The following ST3GAL3 variants were observed in gnomAD, a reference collection of about 807,000 sequenced individuals.
ST3GAL3 encodes ST3 beta-galactoside alpha-2,3-sialyltransferase 3, also known as CMP-N-acetylneuraminate-beta-1,4-galactoside alpha-2,3-sialyltransferase.
A neutral mutation model predicts 50.1 loss-of-function variants in ST3GAL3; 21 were observed. That is an observed-to-expected ratio of 0.42 (90% CI 0.30 to 0.60). The LOEUF (loss-of-function observed/expected upper bound fraction) is 0.60, where lower values mean the gene tolerates loss of function less well. ST3GAL3 is among the 20% of genes least tolerant of loss of function. The pLI is 0.19. For missense variants in ST3GAL3, 353 were observed against 489.4 expected (o/e 0.72, Z 2.63); for synonymous variants, 183 against 190.0 (o/e 0.96, Z 0.30).
chr1:43,720,973 A>G (rs930450163), intron 1 of ST3GAL3, among the ~76,000 whole-genome samples: 3 of 152,214 alleles, frequency 2.0e-5, no homozygotes, highest in Admixed American at 6.5e-5. Context: ...GGCCAGGCAT[A>G]GTGGCTCATG....
intron 2 of ST3GAL3, among the ~76,000 whole-genome samples, chr1:43,785,171 AG>A: frequency 6.6e-6 from 1 of 152,336 alleles, no homozygotes; most frequent in South Asian, 2.1e-4. Context: ...AACAAGAAAC[AG>A]GTGGCGACGT....
intron 1 of ST3GAL3, among the ~76,000 whole-genome samples, chr1:43,734,428 C>T (rs929976404): frequency 6.6e-6 from 1 of 151,134 alleles, no homozygotes; most frequent in African/African-American, 2.4e-5. Context: ...CCTCAGCTTC[C>T]TGGGTAGCTA....
chr1:43,883,250 T>C (rs2075446324), intron 5 of ST3GAL3, among the ~76,000 whole-genome samples: 1 of 152,118 alleles, frequency 6.6e-6, no homozygotes, highest in South Asian at 2.1e-4. Flanking sequence ...ATTACAGGCA[T>C]GAGCCACCGT....
At chr1:43,807,305 A>T (rs2060005764) in intron 3 of ST3GAL3, among the ~76,000 whole-genome samples, 1 of 151,960 alleles carries the variant, frequency 6.6e-6, no homozygotes, top group Admixed American at 6.6e-5. Flanking sequence ...AATCCCAGCT[A>T]CTCGGGAGGC....
intron 5 of ST3GAL3, among the ~76,000 whole-genome samples, chr1:43,844,054 C>A (rs758547152): frequency 9.9e-5 from 15 of 152,164 alleles, no homozygotes; most frequent in Non-Finnish European, 1.8e-4. Context: ...TTATGTTTAT[C>A]CATTTATTAT....
intron 4 of ST3GAL3, among the ~76,000 whole-genome samples, chr1:43,819,512 CT>C (rs2061818952): frequency 6.6e-6 from 1 of 152,102 alleles, no homozygotes; most frequent in South Asian, 2.1e-4. Context: ...GAAAGGTTGG[CT>C]TTGGCCCACA....
At chr1:43,857,619 C>CCTTCCTTT in intron 5 of ST3GAL3, among the ~76,000 whole-genome samples, 1 of 141,460 alleles carries the variant, frequency 7.1e-6, no homozygotes, top group Non-Finnish European at 1.5e-5. Context: ...TTCCTTCCTT[C>CCTTCCTTT]CTTCCTTCCT....
At chr1:43,859,651 C>T (rs2069403695) in intron 5 of ST3GAL3, among the ~76,000 whole-genome samples, 1 of 152,222 alleles carries the variant, frequency 6.6e-6, no homozygotes. Flanking sequence ...GTCTGGGCCA[C>T]AGGCCAATTG....
chr1:43,774,453 C>T (rs1696441539), intron 2 of ST3GAL3, among the ~76,000 whole-genome samples: 1 of 152,204 alleles, frequency 6.6e-6, no homozygotes, highest in African/African-American at 2.4e-5. Context: ...GAGCTCCACT[C>T]TCTGGGATCT....
At chr1:43,902,524 T>C (rs922078041) in intron 9 of ST3GAL3, among the ~76,000 whole-genome samples, 16 of 152,268 alleles carry the variant, frequency 1.1e-4, no homozygotes, top group Middle Eastern at 3.4e-3. Flanking sequence ...TTGTGGCCAT[T>C]TGGGTCCCTG....
At chr1:43,781,554 T>C (rs1276125035) in intron 2 of ST3GAL3, among the ~76,000 whole-genome samples, 1 of 149,784 alleles carries the variant, frequency 6.7e-6, no homozygotes, top group Non-Finnish European at 1.5e-5. Context: ...GAGGTTGCAG[T>C]GAGCTGACAT....
At chr1:43,812,738 T>C (rs1472202958) in intron 3 of ST3GAL3, among the ~76,000 whole-genome samples, 1 of 152,220 alleles carries the variant, frequency 6.6e-6, no homozygotes, top group Non-Finnish European at 1.5e-5. Context: ...GTGCTGGGAT[T>C]ACAGGTGTGA....
At chr1:43,824,279 C>T (rs1272467393) in intron 4 of ST3GAL3, among the ~76,000 whole-genome samples, 1 of 151,778 alleles carries the variant, frequency 6.6e-6, no homozygotes, top group Non-Finnish European at 1.5e-5. Flanking sequence ...CCCTGACTTT[C>T]CCCATCTCCT....
chr1:43,749,787 G>T (rs952458205), intron 2 of ST3GAL3, among the ~76,000 whole-genome samples: 1 of 152,178 alleles, frequency 6.6e-6, no homozygotes, highest in Non-Finnish European at 1.5e-5. Flanking sequence ...TGAGTGCTCT[G>T]CCCTCATAAA....
At chr1:43,905,503 C>T (rs538413395) in intron 9 of ST3GAL3, among the ~76,000 whole-genome samples, 4 of 143,556 alleles carry the variant, frequency 2.8e-5, no homozygotes, top group East Asian at 4.2e-4. Context: ...TCTTCCTCTC[C>T]GTCCTCCTGT....
chr1:43,873,395 A>G (rs745695502), intron 5 of ST3GAL3, among the ~76,000 whole-genome samples: 6 of 152,238 alleles, frequency 3.9e-5, no homozygotes. Context: ...TGGAGAAATG[A>G]CTGCAAGAAG....
intron 1 of ST3GAL3, among the ~76,000 whole-genome samples, chr1:43,722,316 G>T (rs1215466647): frequency 6.6e-6 from 1 of 152,200 alleles, no homozygotes; most frequent in Non-Finnish European, 1.5e-5. Flanking sequence ...GGCATGATAA[G>T]TTGAAAACAC....
chr1:43,898,957 G>C, intron 7 of ST3GAL3: 1 of 628,084 alleles, frequency 1.6e-6, no homozygotes, highest in Non-Finnish European at 2.7e-6. Context: ...AAGTGTCAGG[G>C]CCTAGATAGA....
chr1:43,832,930 A>T (rs186463922), intron 4 of ST3GAL3, among the ~76,000 whole-genome samples: 2 of 152,312 alleles, frequency 1.3e-5, no homozygotes, highest in Admixed American at 1.3e-4. Context: ...ACGCTCATGC[A>T]TGTCCCCCTA....
Sources: allele counts gnomAD v4.1 joint callset (sites outside exome capture counted in the v4.1 genomes callset), GRCh38; gene constraint gnomAD v4.1.1; transcripts MANE v1.5; gene names NCBI Gene and HGNC (gene_info 2026-07-23, HGNC 2026-07-21).